Variants in KLHL4 observed in about 807,000 individuals in gnomAD.
The protein encoded by KLHL4 is kelch like family member 4.
Under a neutral mutation model 45.8 loss-of-function variants are expected in KLHL4, and 17 were observed. That is an observed-to-expected ratio of 0.37 (90% CI 0.25 to 0.56). The LOEUF (loss-of-function observed/expected upper bound fraction) is 0.56, where lower values mean the gene tolerates loss of function less well. Among genes scored for constraint, KLHL4 ranks in the 20% least tolerant of loss-of-function variants. KLHL4 has a pLI of 0.79. For missense variants in KLHL4, 544 were observed against 544.9 expected, an observed-to-expected ratio of 1.00 and a Z score of 0.02; for synonymous variants, 224 against 189.9, an observed-to-expected ratio of 1.18 and a Z score of -1.47.
chrX:87,666,590 G>T lies in KLHL4; in HGVS notation c.*56G>T. On this transcript the variant is annotated 3_prime_UTR_variant, in exon 11 of 11. Coordinates refer to ENST00000373119, the MANE Select transcript of KLHL4 (RefSeq NM_019117.5). ...CTAGATAATTTCAAGAAACTGAGTA[G>T]GACAAAGGGAGAAAGAAATACATGT... 9.3e-7 allele frequency: 1 copy of T among 1,074,010 alleles called. No individual in the cohort carries two copies. The highest frequency in any genetic ancestry group is 1.2e-6 in the Non-Finnish European group (1 of 820,514). 88.5% of individuals were successfully genotyped at this position (1,074,010 alleles called of 1,213,427 possible).
intron 1 of KLHL4, among the ~76,000 whole-genome samples, chrX:87,522,490 C>T (rs1191499951): frequency 2.7e-5 from 3 of 111,764 alleles, no homozygotes; most frequent in Non-Finnish European, 5.6e-5. Flanking sequence ...TTTCTCCAGG[C>T]ATTATATCTG....
chrX:87,668,558 CT>C lies in KLHL4; in HGVS notation c.*2026del. ...TTTCCCTCGAAAACTCATGTTGAAA[CT>C]TAACTCCTAATGTAGCAGTACTGAG... On this transcript the variant is annotated 3_prime_UTR_variant, in exon 11 of 11. Transcript: ENST00000373119. 4.8e-6 allele frequency: 3 copies of C among 625,709 alleles called. No homozygotes were observed. Among genetic ancestry groups the C allele is most frequent in the Non-Finnish European group, 5.7e-6 (3 of 522,232 alleles). 51.6% of individuals were successfully genotyped at this position (625,709 alleles called of 1,213,427 possible).
intron 9 of KLHL4, among the ~76,000 whole-genome samples, chrX:87,643,416 A>C (rs761039578): frequency 1.9e-4 from 21 of 111,396 alleles, no homozygotes; most frequent in Middle Eastern, 4.6e-3. Context: ...GGTAACTAGA[A>C]AAATTACCAA....
At chrX:87,625,586 A>G in intron 5 of KLHL4, 24 bp from the exon 6 acceptor site, 1 of 1,150,211 alleles carries the variant, frequency 8.7e-7, no homozygotes, top group Non-Finnish European at 1.2e-6. Context: ...CTCCATTCAT[A>G]TACCATGCAT....
In KLHL4 at chrX:87,661,559, A is replaced by C. The variant is rs1175647443; in HGVS notation, c.1926-3205A>C. 3.6e-5 allele frequency among the ~76,000 whole-genome samples: 4 copies of C among 111,340 alleles called. No homozygotes were observed. The Admixed American group carries it at 3.8e-4, about 11-fold the overall frequency. On this transcript the variant is annotated intron_variant, in intron 9 of 10. Transcript: ENST00000373119. ...TATTATGGTTTAAAATGTCTATATC[A>C]ATTTAAATATGTATTTACACAAGCC...
At chrX:87,573,166 C>T (rs1932369381) in intron 1 of KLHL4, among the ~76,000 whole-genome samples, 1 of 111,256 alleles carries the variant, frequency 9.0e-6, no homozygotes, top group Admixed American at 9.6e-5. Context: ...GGGCTTTAAA[C>T]GACAATCAGA....
In KLHL4 at chrX:87,612,120, G is replaced by T. The variant is rs187258774; in HGVS notation, c.423-1757G>T. Among the ~76,000 whole-genome samples, 127 of 111,646 alleles carry T rather than the reference G, an allele frequency of 1.1e-3. 2 individuals are homozygous for T. In the South Asian group the frequency reaches 0.046, roughly 40 times the overall value. ...TGATTAAGTTATTATTAAAGAAAAA[G>T]TATTGTTTATTAATTTAGTGCAGCC... is the stretch of plus-strand genomic sequence containing the variant. On this transcript the variant is annotated intron_variant, in intron 1 of 10. Transcript: ENST00000373119.
At chrX:87,574,914 GTTATTA>G (rs1921047567) in intron 1 of KLHL4, among the ~76,000 whole-genome samples, 1 of 111,766 alleles carries the variant, frequency 8.9e-6, no homozygotes, top group Admixed American at 9.5e-5. Context: ...TTGAATGGCA[GTTATTA>G]TTAATATTAT....
At chrX:87,525,160 T>G (rs1931083629) in intron 1 of KLHL4, among the ~76,000 whole-genome samples, 1 of 112,218 alleles carries the variant, frequency 8.9e-6, no homozygotes, top group Admixed American at 9.5e-5. Context: ...TGATATTAAT[T>G]GTGGCTATCA....
chrX:87,561,843 A>G (rs1010664160), intron 1 of KLHL4, among the ~76,000 whole-genome samples: 1 of 109,684 alleles, frequency 9.1e-6, no homozygotes, highest in East Asian at 2.9e-4. Flanking sequence ...GCAGAGCCCT[A>G]AAGACCCCAT....
chrX:87,640,328 G>T (rs1246860676), intron 9 of KLHL4, among the ~76,000 whole-genome samples: 1 of 111,405 alleles, frequency 9.0e-6, no homozygotes, highest in African/African-American at 3.3e-5. Context: ...GGAATCCTCC[G>T]TAAATCATTC....
chrX:87,592,105 C>A (rs1218532891), intron 1 of KLHL4, among the ~76,000 whole-genome samples: 2 of 110,672 alleles, frequency 1.8e-5, no homozygotes, highest in Non-Finnish European at 3.8e-5. Flanking sequence ...AGTGTGAACA[C>A]GTGCTGTTTG....
chrX:87,637,482 T>A (rs976760181), intron 9 of KLHL4, among the ~76,000 whole-genome samples: 16 of 111,326 alleles, frequency 1.4e-4, no homozygotes, highest in African/African-American at 5.2e-4. Context: ...CAAACCAAGA[T>A]GATGTATCTG....
At chrX:87,568,391 C>CTTTTTTTTTTTTTTTTTTTTTTTTTTT (rs58586775) in intron 1 of KLHL4, among the ~76,000 whole-genome samples, 6 of 57,502 alleles carry the variant, frequency 1.0e-4, no homozygotes, top group African/African-American at 2.2e-4. Flanking sequence ...TTCTTTTTTT[C>CTTTTTTTTTTTTTTTTTTTTTTTTTTT]TTTTTTTTTT....
chrX:87,621,366 A>G (rs1922743288), intron 4 of KLHL4, among the ~76,000 whole-genome samples: 1 of 111,015 alleles, frequency 9.0e-6, no homozygotes, highest in Admixed American at 9.7e-5. Flanking sequence ...TGTAATATTT[A>G]TAAACTAGAA....
chrX:87,531,669 G>T (rs913678181), intron 1 of KLHL4, among the ~76,000 whole-genome samples: 5 of 105,391 alleles, frequency 4.7e-5, no homozygotes, highest in Non-Finnish European at 9.7e-5. Flanking sequence ...AAAATCACAG[G>T]TATTCTTATA....
chrX:87,551,502 G>C (rs184298420), intron 1 of KLHL4, among the ~76,000 whole-genome samples: 1 of 110,792 alleles, frequency 9.0e-6, no homozygotes, highest in African/African-American at 3.3e-5. Flanking sequence ...AAAACAATTC[G>C]AAAGTTCATA....
chrX:87,520,982 C>T (rs1930988403), intron 1 of KLHL4, among the ~76,000 whole-genome samples: 1 of 111,656 alleles, frequency 9.0e-6, no homozygotes, highest in African/African-American at 3.3e-5. Flanking sequence ...AAAGAGATGT[C>T]GTGATTTCCT....
rs766235060 is a variant in KLHL4 at position 87,653,894 on chromosome X, C to T, written c.1926-10870C>T. Among the ~76,000 whole-genome samples, 3 of 111,374 alleles carry T rather than the reference C, an allele frequency of 2.7e-5. No homozygotes were observed. In the South Asian group the frequency reaches 1.1e-3, roughly 42 times the overall value. ...TAATGCAGGAACAGAAAATTAAACA[C>T]CTCCTGTTCTCACTTATAAGTGGGA... On this transcript the variant is annotated intron_variant, in intron 9 of 10. Transcript: ENST00000373119.
Sources: allele counts gnomAD v4.1 joint callset (sites outside exome capture counted in the v4.1 genomes callset), GRCh38; gene constraint gnomAD v4.1.1; transcripts MANE v1.5; gene names NCBI Gene and HGNC (gene_info 2026-07-23, HGNC 2026-07-21).